The following RET variants were observed in gnomAD, a reference collection of about 807,000 sequenced individuals.
RET encodes the protein ret proto-oncogene, also known as proto-oncogene tyrosine-protein kinase receptor Ret.
RET carries 19 observed loss-of-function variants against 118.3 expected under a neutral mutation model. That is an observed-to-expected ratio of 0.16 (90% CI 0.11 to 0.24). The LOEUF is 0.24. Among genes scored for constraint, RET ranks in the 10% least tolerant of loss-of-function variants. The pLI is 1.00. For missense variants in RET, 1,219 were observed against 1,502.1 expected (o/e 0.81, Z 3.12); for synonymous variants, 597 against 644.1 (o/e 0.93, Z 1.11).
intron 1 of RET, among the ~76,000 whole-genome samples, chr10:43,094,757 G>A (rs559102941): frequency 2.0e-5 from 3 of 152,350 alleles, no homozygotes; most frequent in South Asian, 2.1e-4. Flanking sequence ...GTGTGAAAGC[G>A]GGTATATACC....
At position 43,109,021 on chromosome 10, in the gene RET, C is replaced by CG. The variant is rs1837849125; in HGVS notation, c.1064-10_1064-9insG. The CG allele has an allele frequency of 1.2e-6, 2 of 1,611,174 alleles. No homozygotes were observed. The highest frequency in any genetic ancestry group is 2.7e-5 in the African/African-American group (2 of 74,916). ...CAGCTTGGTGGTCATTGTTGTGCCCCTACCTGCAGGGCTGGTTCTCAACCG... is the reference window on the plus strand; with the variant it reads ...CAGCTTGGTGGTCATTGTTGTGCCCCGTACCTGCAGGGCTGGTTCTCAACCG... On this transcript the variant is annotated splice_polypyrimidine_tract_variant and intron_variant, in intron 5 of 19. Coordinates refer to ENST00000355710, the MANE Select transcript of RET (RefSeq NM_020975.6).
Position 43,123,702 on chromosome 10 carries a change from G to A in RET, c.2833G>A (p.Val945Met), listed in dbSNP as rs587780811. 9.3e-6 allele frequency: 15 copies of A among 1,614,158 alleles called. No homozygotes were observed. Among genetic ancestry groups the A allele is most frequent in the Non-Finnish European group, 1.2e-5 (14 of 1,180,030 alleles). The change falls in exon 17 of 20, where the codon GTG becomes ATG. Residue 945 changes from valine to methionine, a missense_variant. By Grantham distance (21) the Val-to-Met change is conservative (BLOSUM62 1). Transcript: ENST00000355710. ...TTTTGGTGTCCTGCTGTGGGAGATC[G>A]TGACCCTAGGGGGAAACCCCTATCC... ...WSFGVLLWEI[V>M]TLGGNPYPGI...
intron 1 of RET, among the ~76,000 whole-genome samples, chr10:43,092,058 C>T (rs1387645940): frequency 6.6e-6 from 1 of 152,170 alleles, no homozygotes; most frequent in Non-Finnish European, 1.5e-5. Flanking sequence ...CAGCATTATT[C>T]ATAGTAACCA....
At chr10:43,121,188 T>G (rs1564499680) in intron 15 of RET, among the ~76,000 whole-genome samples, 1 of 152,204 alleles carries the variant, frequency 6.6e-6, no homozygotes, top group Non-Finnish European at 1.5e-5. Flanking sequence ...GAAGGCATTC[T>G]TATACAAGAC....
chr10:43,129,811 A>T lies in RET; in HGVS notation c.*1542A>T. On this transcript the variant is annotated 3_prime_UTR_variant, in exon 20 of 20. Transcript: ENST00000355710. ...GCACACACCCAGAGGGAGAGTTTGA[A>T]AAATGCTTATTGGACACGTAACCTG... The T allele has an allele frequency of 2.5e-6, 1 of 396,198 alleles. No homozygotes were observed. The allele number at this position is 396,198 out of a possible 1,614,324, so 24.5% of individuals were successfully genotyped here.
chr10:43,127,195 C>T, intron 19 of RET: 1 of 1,087,986 alleles, frequency 9.2e-7, no homozygotes, highest in Non-Finnish European at 1.1e-6. Context: ...AGGTGCCTCT[C>T]AGAGGCCACC....
Position 43,128,208 on chromosome 10 carries a change from T to A in RET, c.3284T>A (p.Val1095Glu). 1 of 1,614,182 alleles carries A rather than the reference T, an allele frequency of 6.2e-7. No individual in the cohort carries two copies. Among genetic ancestry groups the A allele is most frequent in the Non-Finnish European group, 8.5e-7 (1 of 1,180,014 alleles). ...TGFPRYPNDSVYANWMLSPSA... is the reference protein window; with the variant it reads ...TGFPRYPNDSEYANWMLSPSA... ...TTTCCAAGATATCCAAATGATAGTG[T>A]ATATGCTAACTGGATGCTTTCACCC... The change falls in exon 20 of 20, where the codon GTA becomes GAA. Residue 1095 changes from valine (V) to glutamate (E), a missense_variant. By Grantham distance (121) the Val-to-Glu change is moderately radical (BLOSUM62 -2). Around this residue, in one of 5 missense-constraint regions of RET, gnomAD observed 174 missense variants for 179.3 expected, o/e 0.97. Transcript: ENST00000355710.
chr10:43,119,615 A>G lies in RET; in HGVS notation c.2477A>G (p.Tyr826Cys), dbSNP rs34617196. 1 of 1,612,840 alleles carries G rather than the reference A, an allele frequency of 6.2e-7. No individual in the cohort carries two copies. The highest frequency in any genetic ancestry group is 8.5e-7 in the Non-Finnish European group (1 of 1,179,922). ...LRESRKVGPGYLGSGGSRNSS... is the reference protein window; with the variant it reads ...LRESRKVGPGCLGSGGSRNSS... The stretch of plus-strand genomic sequence containing the variant: ...GAGAGCCGCAAAGTGGGGCCTGGCT[A>G]CCTGGGCAGTGGAGGCAGCCGCAAC... The change falls in exon 14 of 20, where the codon TAC becomes TGC. Residue 826 changes from tyrosine (Y) to cysteine (C), a missense_variant. This residue lies in a region of RET where 850 missense variants were observed against 969.6 expected (regional missense o/e 0.88). Coordinates refer to ENST00000355710, the MANE Select transcript of RET (RefSeq NM_020975.6).
chr10:43,085,745 C>G (rs1462751247), intron 1 of RET, among the ~76,000 whole-genome samples: 1 of 152,220 alleles, frequency 6.6e-6, no homozygotes, highest in African/African-American at 2.4e-5. Flanking sequence ...TGGGCATCCC[C>G]TTCCCTGCAT....
Position 43,128,347 on chromosome 10 carries a change from G to T in RET, c.*78G>T. The stretch of plus-strand genomic sequence containing the variant: ...TGGAAAGTCTACCGGCCCTTTCTTT[G>T]TGAACGTCACATTGGCCGAGCCGTG... On this transcript the variant is annotated 3_prime_UTR_variant, in exon 20 of 20. Transcript: ENST00000355710. The T allele has an allele frequency of 6.4e-7, 1 of 1,550,788 alleles. No individual in the cohort carries two copies. The highest frequency in any genetic ancestry group is 8.9e-7 in the Non-Finnish European group (1 of 1,124,302).
chr10:43,103,891 C>T (rs980622765), intron 3 of RET, among the ~76,000 whole-genome samples: 1 of 152,206 alleles, frequency 6.6e-6, no homozygotes, highest in Non-Finnish European at 1.5e-5. Flanking sequence ...CCCCCGCCTC[C>T]TTGGGGTGGG....
At chr10:43,095,554 G>T (rs2132623907) in intron 1 of RET, among the ~76,000 whole-genome samples, 2 of 152,340 alleles carry the variant, frequency 1.3e-5, no homozygotes, top group Middle Eastern at 6.8e-3. Context: ...GGTCCCCTCT[G>T]CATCCAAAGA....
chr10:43,087,526 C>A (rs559796024), intron 1 of RET, among the ~76,000 whole-genome samples: 6 of 152,324 alleles, frequency 3.9e-5, no homozygotes, highest in Admixed American at 3.3e-4. Flanking sequence ...TGCTTAAACC[C>A]AGTGAACTAA....
At chr10:43,093,638 C>A (rs539458791) in intron 1 of RET, among the ~76,000 whole-genome samples, 1 of 152,128 alleles carries the variant, frequency 6.6e-6, no homozygotes, top group East Asian at 1.9e-4. Flanking sequence ...TGAGCAGCCT[C>A]GGTAGCATCC....
chr10:43,098,273 T>A (rs917267950), intron 1 of RET, among the ~76,000 whole-genome samples: 12 of 152,170 alleles, frequency 7.9e-5, no homozygotes, highest in African/African-American at 2.7e-4. Context: ...GCAATCACCA[T>A]CCTATGTTGT....
chr10:43,107,559 T>TCACAGACACA (rs1163495336), intron 5 of RET, among the ~76,000 whole-genome samples: 1 of 140,824 alleles, frequency 7.1e-6, no homozygotes, highest in South Asian at 2.4e-4. Context: ...CCCCCATGCC[T>TCACAGACACA]CACACACACA....
At chr10:43,111,825 A>G (rs1837940787) in intron 7 of RET, among the ~76,000 whole-genome samples, 1 of 152,210 alleles carries the variant, frequency 6.6e-6, no homozygotes, top group Non-Finnish European at 1.5e-5. Flanking sequence ...TGTAGGTCCC[A>G]CAGGGCGTCG....
At chr10:43,088,968 C>T (rs2506022) in intron 1 of RET, among the ~76,000 whole-genome samples, 58,201 of 152,134 alleles carry the variant, frequency 0.38, 11,557 homozygotes, top group South Asian at 0.51. Flanking sequence ...CCCGTCCTGC[C>T]GGGCACTGGC....
chr10:43,093,272 T>G (rs564283921), intron 1 of RET, among the ~76,000 whole-genome samples: 1 of 152,078 alleles, frequency 6.6e-6, no homozygotes, highest in South Asian at 2.1e-4. Context: ...CGAGATTGCC[T>G]GTCCTGCCCA....
Sources: gnomAD v4.1 joint callset for allele counts (sites outside exome capture counted in the v4.1 genomes callset) on GRCh38, gnomAD v4.1.1 for gene constraint, gnomAD v4.1.1 regional missense constraint, MANE v1.5 for transcripts, NCBI Gene and HGNC (gene_info 2026-07-23, HGNC 2026-07-21) for gene names.